PRKRA: variants seen among roughly 807,000 people sequenced by gnomAD.
PRKRA encodes the protein interferon-inducible double-stranded RNA-dependent protein kinase activator A.
In PRKRA, 22 loss-of-function variants were observed where a neutral mutation model predicts 32.4. The ratio of observed to expected loss-of-function variants is 0.68; its 90% CI spans 0.49 to 0.97. PRKRA has a LOEUF of 0.97. PRKRA is among the 50% of genes least tolerant of loss of function. The probability of loss-of-function intolerance (pLI) is 0.00; values close to 1 mark genes in which losing one functional copy is unlikely to be tolerated. For synonymous variants in PRKRA, 139 were observed against 129.8 expected (o/e 1.07, Z -0.48); for missense variants, 319 against 375.6 (o/e 0.85, Z 1.25).
In PRKRA at chr2:178,446,038, T is replaced by C. The variant is rs115662402; in HGVS notation, c.317+1467A>G. 8.0e-3 allele frequency among the ~76,000 whole-genome samples: 1,163 copies of C among 145,332 alleles called. 17 individuals are homozygous for C. The highest frequency in any genetic ancestry group is 0.029 in the African/African-American group (1,114 of 38,656). ...GAGCCACCATGCCTGGCCTTGTTTT[T>C]CTTTGAGGCAGGGTTTCACAGGCTG... On this transcript the variant is annotated intron_variant, in intron 3 of 7. Transcript: ENST00000325748.
At chr2:178,433,885 CAT>C (rs1696772537) in intron 7 of PRKRA, 1 of 152,138 alleles carries the variant, frequency 6.6e-6, no homozygotes. Context: ...GATGGCTTTC[CAT>C]ATCTACAAGA....
At chr2:178,435,535 T>A (rs553432463) in intron 7 of PRKRA, among the ~76,000 whole-genome samples, 1 of 152,174 alleles carries the variant, frequency 6.6e-6, no homozygotes, top group African/African-American at 2.4e-5. Flanking sequence ...AAAATACAGA[T>A]GATGATGGCT....
rs1187359339 is a variant in PRKRA at position 178,443,293 on chromosome 2, C to G, written c.488G>C (p.Cys163Ser). Residue 163 changes from cysteine (C) to serine (S), a missense_variant, in exon 5 of 8, where the codon TGC becomes TCC. By Grantham distance (112) the Cys-to-Ser change is moderately radical. Coordinates refer to ENST00000325748, the MANE Select transcript of PRKRA (RefSeq NM_003690.5). ...AGTTTCCATAAATGACTCTAGCCTG[C>G]AAATTGTAGTATATTCTCTCTTATG... ...PAHKREYTTICRLESFMETGK... is the reference protein window; with the variant it reads ...PAHKREYTTISRLESFMETGK... 1 of 1,609,926 alleles carries G rather than the reference C, an allele frequency of 6.2e-7. No homozygotes were observed. The highest frequency in any genetic ancestry group is 8.5e-7 in the Non-Finnish European group (1 of 1,176,342).
chr2:178,450,467 A>G (rs1354453933), intron 1 of PRKRA, 56 bp from the exon 2 acceptor site: 2 of 1,315,050 alleles, frequency 1.5e-6, no homozygotes, highest in Non-Finnish European at 2.0e-6. Flanking sequence ...TTGAAGCAGA[A>G]GCGTAGAGGC....
chr2:178,442,585 C>T (rs956068235), intron 5 of PRKRA, among the ~76,000 whole-genome samples: 2 of 152,208 alleles, frequency 1.3e-5, no homozygotes, highest in African/African-American at 2.4e-5. Flanking sequence ...AGGACGGAAG[C>T]TGAGGTTCCT....
chr2:178,448,523 C>G (rs193300959), intron 2 of PRKRA, among the ~76,000 whole-genome samples: 2 of 151,992 alleles, frequency 1.3e-5, no homozygotes, highest in Admixed American at 6.6e-5. Context: ...CAGGCTGTAG[C>G]GGAGGTTGCA....
At position 178,448,816 on chromosome 2, in the gene PRKRA, A is replaced by G. The variant is rs139797232; in HGVS notation, c.236-1230T>C. On this transcript the variant is annotated intron_variant, in intron 2 of 7. Coordinates refer to ENST00000325748, the MANE Select transcript of PRKRA (RefSeq NM_003690.5). ...AATAACAGACTGGACAAGAGGGAGAAAGACGGGAAGTAGTTAGGAAGACAA... is the reference window on the plus strand; with the variant it reads ...AATAACAGACTGGACAAGAGGGAGAGAGACGGGAAGTAGTTAGGAAGACAA... 1.4e-3 allele frequency among the ~76,000 whole-genome samples: 220 copies of G among 152,306 alleles called. 5 individuals are homozygous for G. The South Asian group carries it at 0.022, about 16-fold the overall frequency.
chr2:178,435,204 A>G (rs1249680331), intron 7 of PRKRA, among the ~76,000 whole-genome samples: 1 of 151,242 alleles, frequency 6.6e-6, no homozygotes, highest in Non-Finnish European at 1.5e-5. Context: ...GCAACAGATC[A>G]AGACTCCATC....
At chr2:178,432,481 A>G (rs1696703520) in intron 7 of PRKRA, among the ~76,000 whole-genome samples, 1 of 152,248 alleles carries the variant, frequency 6.6e-6, no homozygotes, top group African/African-American at 2.4e-5. Flanking sequence ...TGTTAAAGAC[A>G]TACAGATATC....
intron 1 of PRKRA, 160 bp from the exon 2 acceptor site, chr2:178,450,571 G>T: frequency 6.6e-7 from 1 of 1,511,708 alleles, no homozygotes. Context: ...CCTGTCTTCC[G>T]GCCCCGCTGC....
intron 6 of PRKRA, among the ~76,000 whole-genome samples, chr2:178,436,992 T>C (rs1696926034): frequency 6.6e-6 from 1 of 152,132 alleles, no homozygotes; most frequent in Non-Finnish European, 1.5e-5. Flanking sequence ...ATTTCCATAT[T>C]AGTTTATGGT....
In PRKRA at chr2:178,436,159, G is replaced by T. The variant is rs1271454160; in HGVS notation, c.770C>A (p.Thr257Lys). The T allele has an allele frequency of 6.2e-7, 1 of 1,609,368 alleles. No homozygotes were observed. The highest frequency in any genetic ancestry group is 2.2e-5 in the East Asian group (1 of 44,812). ...AAAAATCATACCTATATCCAAATAT[G>T]TTATATTAAAACCTTGTTCCTTGGC... ...EIAKEQGFNI[T>K]YLDIDELSAN... Residue 257 changes from threonine (T) to lysine (K), a missense_variant, in exon 7 of 8, where the codon ACA becomes AAA. Transcript: ENST00000325748.
At chr2:178,450,542 C>G in intron 1 of PRKRA, 131 bp from the exon 2 acceptor site, 2 of 1,558,226 alleles carry the variant, frequency 1.3e-6, no homozygotes, top group Non-Finnish European at 1.7e-6. Flanking sequence ...AGGGCCAGAG[C>G]TGGCGAGGCT....
intron 6 of PRKRA, chr2:178,440,011 ATTATG>A (rs1412783066): frequency 6.6e-6 from 1 of 150,546 alleles, no homozygotes; most frequent in Non-Finnish European, 1.5e-5. Flanking sequence ...GTTTTGGTGT[ATTATG>A]TTGGTTTTGG....
chr2:178,444,850 G>A (rs1257353233), intron 3 of PRKRA, among the ~76,000 whole-genome samples: 2 of 152,096 alleles, frequency 1.3e-5, no homozygotes, highest in African/African-American at 2.4e-5. Context: ...CCTCTCCCCT[G>A]TTCAGACAGT....
intron 2 of PRKRA, chr2:178,450,014 C>T: frequency 3.2e-6 from 2 of 615,972 alleles, no homozygotes; most frequent in Admixed American, 2.8e-5. Flanking sequence ...AGCCATCCGG[C>T]TGGGTAACTT....
At chr2:178,436,607 G>C (rs1696907554) in intron 6 of PRKRA, among the ~76,000 whole-genome samples, 1 of 152,128 alleles carries the variant, frequency 6.6e-6, no homozygotes, top group African/African-American at 2.4e-5. Flanking sequence ...GTCACATTAA[G>C]AGGTACAAGA....
intron 4 of PRKRA, 66 bp downstream of exon 4, chr2:178,444,356 T>G (rs1443527312): frequency 2.0e-6 from 2 of 1,019,854 alleles, no homozygotes; most frequent in Non-Finnish European, 2.7e-6. Flanking sequence ...ATTCCTTGTG[T>G]TAGCCCCTCT....
At chr2:178,446,763 G>T (rs1322903884) in intron 3 of PRKRA, among the ~76,000 whole-genome samples, 1 of 152,072 alleles carries the variant, frequency 6.6e-6, no homozygotes, top group Admixed American at 6.5e-5. Context: ...GGAGGCCGAG[G>T]CTGGCGGATC....
Sources: allele counts gnomAD v4.1 joint callset (sites outside exome capture counted in the v4.1 genomes callset), GRCh38; gene constraint gnomAD v4.1.1; transcripts MANE v1.5; gene names NCBI Gene and HGNC (gene_info 2026-07-23, HGNC 2026-07-21).